Variants in ORC4 observed in about 807,000 individuals in gnomAD.
The protein encoded by ORC4 is origin recognition complex, subunit 4 homolog.
A neutral mutation model predicts 63.9 loss-of-function variants in ORC4; 55 were observed. That is an observed-to-expected ratio of 0.86 (90% CI 0.69 to 1.08). ORC4 has a LOEUF of 1.08. Among genes scored for constraint, ORC4 ranks in the 50% least tolerant of loss-of-function variants. ORC4 has a pLI of 0.00. For missense variants in ORC4, 511 were observed against 504.4 expected, an observed-to-expected ratio of 1.01 and a Z score of -0.13; for synonymous variants, 150 against 168.5, an observed-to-expected ratio of 0.89 and a Z score of 0.85.
At chr2:148,017,994 A>G (rs1382429405) in intron 1 of ORC4, among the ~76,000 whole-genome samples, 4 of 152,202 alleles carry the variant, frequency 2.6e-5, no homozygotes, top group Non-Finnish European at 5.9e-5. Flanking sequence ...CATGAAGATA[A>G]AAGTTGCCAT....
intron 4 of ORC4, among the ~76,000 whole-genome samples, chr2:147,963,681 C>A (rs151121775): frequency 6.6e-6 from 1 of 152,164 alleles, no homozygotes; most frequent in Non-Finnish European, 1.5e-5. Flanking sequence ...CATTAATAGC[C>A]CCATCTGCCA....
intron 1 of ORC4, among the ~76,000 whole-genome samples, chr2:148,017,167 A>G (rs1453971823): frequency 2.0e-5 from 3 of 152,224 alleles, no homozygotes; most frequent in Non-Finnish European, 4.4e-5. Context: ...ATACAGTAAA[A>G]GTGACATAAG....
chr2:148,012,567 A>G (rs1460006869), intron 1 of ORC4, among the ~76,000 whole-genome samples: 1 of 152,182 alleles, frequency 6.6e-6, no homozygotes, highest in African/African-American at 2.4e-5. Context: ...ACAAGCAACT[A>G]AAGCAAGAAA....
At chr2:148,019,978 A>G (rs1418375678) in intron 1 of ORC4, among the ~76,000 whole-genome samples, 3 of 152,210 alleles carry the variant, frequency 2.0e-5, no homozygotes, top group East Asian at 1.9e-4. Flanking sequence ...CATCTACACT[A>G]TAAGGGGAAA....
In ORC4 at chr2:147,932,188, G is replaced by A. The variant is rs1238531697; in HGVS notation, c.*3322C>T. ...AGACAAACAGAGAGCCAAATCATGA[G>A]TGAACTCCCATTCACAATTGCTTCA... is the stretch of plus-strand genomic sequence containing the variant. On this transcript the variant is annotated 3_prime_UTR_variant, in exon 14 of 14. Coordinates refer to ENST00000392857, the MANE Select transcript of ORC4 (RefSeq NM_181741.4). 1 of 149,844 alleles carries A rather than the reference G, an allele frequency of 6.7e-6. No homozygotes were observed. Among genetic ancestry groups the A allele is most frequent in the Admixed American group, 6.6e-5 (1 of 15,044 alleles). The allele number at this position is 149,844 out of a possible 1,614,324, so 9.3% of individuals were successfully genotyped here.
chr2:147,970,969 C>G (rs911763842), intron 4 of ORC4, among the ~76,000 whole-genome samples: 1 of 150,788 alleles, frequency 6.6e-6, no homozygotes, highest in Admixed American at 6.6e-5. Flanking sequence ...CGTCTCTACA[C>G]AAAATTAAAA....
At chr2:147,996,962 A>G (rs1324559842) in intron 1 of ORC4, among the ~76,000 whole-genome samples, 1 of 152,250 alleles carries the variant, frequency 6.6e-6, no homozygotes, top group Admixed American at 6.5e-5. Flanking sequence ...TCCTGTTTAC[A>G]GCAGTTTTAT....
At position 147,948,085 on chromosome 2, in the gene ORC4, T is replaced by C. The variant is rs748774175; in HGVS notation, c.728A>G (p.Lys243Arg). The C allele has an allele frequency of 6.8e-6, 11 of 1,612,178 alleles. No homozygotes were observed. In the African/African-American group the frequency reaches 8.0e-5, roughly 12 times the overall value. ...TTCATTCCACTTCTCAGCAAAAACC[T>C]TGTCTGGAAACTCTGCAGGTAGAGA... ...QLSLPAEFPD[K>R]VFAEKWNENV... The change falls in exon 9 of 14, where the codon AAG becomes AGG. Residue 243 changes from lysine to arginine, a missense_variant. Transcript: ENST00000392857.
At chr2:148,005,672 A>AC (rs1260989825) in intron 1 of ORC4, among the ~76,000 whole-genome samples, 1 of 150,382 alleles carries the variant, frequency 6.6e-6, no homozygotes, top group Non-Finnish European at 1.5e-5. Context: ...AAAAAAAAAA[A>AC]AAAAAAAACA....
At chr2:147,958,558 G>A in intron 5 of ORC4, 175 bp from the exon 6 acceptor site, 4 of 587,114 alleles carry the variant, frequency 6.8e-6, no homozygotes, top group Non-Finnish European at 8.9e-6. Context: ...TCCTCCTTGG[G>A]ATTAGAATGA....
rs1357467252 is a variant in ORC4, at chr2:147,939,234, A to C, written c.864T>G (p.Asn288Lys). 6.2e-7 allele frequency: 1 copy of C among 1,610,488 alleles called. No individual in the cohort carries two copies. Among genetic ancestry groups the C allele is most frequent in the Non-Finnish European group, 8.5e-7 (1 of 1,176,884 alleles). Residue 288 changes from asparagine to lysine, a missense_variant, in exon 11 of 14, where the codon AAT becomes AAG. Coordinates refer to ENST00000392857, the MANE Select transcript of ORC4 (RefSeq NM_181741.4). Reference sequence around the variant, plus strand: ...TAAATGGGTGCGATGCTGTTACTCGATTTAAAGCAAGCATCTAGGGAAAGA... The same window carrying C: ...TAAATGGGTGCGATGCTGTTACTCGCTTTAAAGCAAGCATCTAGGGAAAGA... ...SLHMLLMLAL[N>K]RVTASHPFMT...
At chr2:147,956,737 T>A (rs778389193) in intron 6 of ORC4, among the ~76,000 whole-genome samples, 1 of 152,102 alleles carries the variant, frequency 6.6e-6, no homozygotes, top group Admixed American at 6.6e-5. Flanking sequence ...CATTTTTGGG[T>A]ACAACTTAAA....
chr2:147,968,133 A>C (rs978079070), intron 4 of ORC4, among the ~76,000 whole-genome samples: 1 of 152,132 alleles, frequency 6.6e-6, no homozygotes, highest in Non-Finnish European at 1.5e-5. Flanking sequence ...ATCCTGTACA[A>C]AAATCATTTC....
chr2:147,961,002 C>CTA (rs962402283), intron 4 of ORC4, among the ~76,000 whole-genome samples: 30 of 152,064 alleles, frequency 2.0e-4, no homozygotes, highest in Admixed American at 1.0e-3. Flanking sequence ...TTTCAATTAA[C>CTA]TATAGAGTTA....
intron 8 of ORC4, among the ~76,000 whole-genome samples, chr2:147,948,691 G>A (rs549387825): frequency 1.6e-4 from 24 of 150,770 alleles, no homozygotes; most frequent in African/African-American, 5.8e-4. Flanking sequence ...TTATAGTAAT[G>A]CTTTTAGACT....
At chr2:147,979,651 G>A (rs1321041856) in intron 1 of ORC4, among the ~76,000 whole-genome samples, 4 of 151,956 alleles carry the variant, frequency 2.6e-5, no homozygotes. Flanking sequence ...AACAATGCTG[G>A]AGGTATCAGA....
intron 1 of ORC4, among the ~76,000 whole-genome samples, chr2:148,018,703 T>C (rs564773528): frequency 3.9e-5 from 6 of 152,192 alleles, no homozygotes; most frequent in African/African-American, 1.4e-4. Context: ...TCCACTTACA[T>C]ACAATTAAGA....
chr2:147,998,192 G>A (rs1692085809), intron 1 of ORC4, among the ~76,000 whole-genome samples: 1 of 152,154 alleles, frequency 6.6e-6, no homozygotes, highest in South Asian at 2.1e-4. Context: ...AGAAACAAAG[G>A]AGAAAGTGAA....
chr2:147,943,562 G>C, intron 9 of ORC4, 40 bp from the exon 10 acceptor site: 3 of 1,241,684 alleles, frequency 2.4e-6, no homozygotes, highest in South Asian at 1.2e-5. Flanking sequence ...ATTGAGGAAA[G>C]ATGTAGTTTA....
Sources: gnomAD v4.1 joint callset for allele counts (sites outside exome capture counted in the v4.1 genomes callset) on GRCh38, gnomAD v4.1.1 for gene constraint, MANE v1.5 for transcripts, NCBI Gene and HGNC (gene_info 2026-07-23, HGNC 2026-07-21) for gene names.